The following AFF4 variants were observed in gnomAD, a reference collection of about 807,000 sequenced individuals.
AFF4 encodes ALF transcription elongation factor 4.
AFF4 carries 13 observed loss-of-function variants against 124.8 expected under a neutral mutation model. That is an observed-to-expected ratio of 0.10 (90% confidence interval 0.07 to 0.17). The LOEUF is 0.17. Ranked by LOEUF, AFF4 falls within the 10% of genes least tolerant of loss-of-function variation. The probability of loss-of-function intolerance (pLI) is 1.00; values close to 1 mark genes in which losing one functional copy is unlikely to be tolerated. For missense variants in AFF4, 1,092 were observed against 1,403.8 expected (o/e 0.78, Z 3.55); for synonymous variants, 477 against 496.1 (o/e 0.96, Z 0.51).
chr5:132,948,130 A>C (rs1761744137), intron 1 of AFF4, among the ~76,000 whole-genome samples: 1 of 151,858 alleles, frequency 6.6e-6, no homozygotes. Flanking sequence ...GGCTCACTGC[A>C]ACCTCCGCCT....
At chr5:132,923,938 A>C (rs1042691383) in intron 5 of AFF4, among the ~76,000 whole-genome samples, 2 of 152,144 alleles carry the variant, frequency 1.3e-5, no homozygotes, top group African/African-American at 4.8e-5. Context: ...TTTCCATATA[A>C]TAAAATACTG....
At chr5:132,892,974 T>C in intron 12 of AFF4, 56 bp downstream of exon 12, 1 of 1,520,898 alleles carries the variant, frequency 6.6e-7, no homozygotes, top group Non-Finnish European at 9.1e-7. Flanking sequence ...GTACCCACTA[T>C]CAAATGATAT....
intron 9 of AFF4, 59 bp downstream of exon 9, chr5:132,899,045 C>T: frequency 6.9e-7 from 1 of 1,448,082 alleles, no homozygotes; most frequent in Non-Finnish European, 9.6e-7. Flanking sequence ...TATATCCCTG[C>T]AATGTTATCA....
intron 5 of AFF4, among the ~76,000 whole-genome samples, chr5:132,914,608 A>C (rs1175941210): frequency 6.6e-6 from 1 of 152,126 alleles, no homozygotes; most frequent in African/African-American, 2.4e-5. Context: ...TTCAAAAAAA[A>C]AAAAGAAGAA....
intron 1 of AFF4, chr5:132,937,820 T>A (rs1761467594): frequency 6.6e-6 from 1 of 152,222 alleles, no homozygotes; most frequent in Non-Finnish European, 1.5e-5. Flanking sequence ...AGGTTTTCAG[T>A]GATAGAATCA....
intron 19 of AFF4, among the ~76,000 whole-genome samples, chr5:132,884,190 TA>T (rs1760056500): frequency 1.3e-5 from 2 of 152,114 alleles, no homozygotes; most frequent in African/African-American, 4.8e-5. Flanking sequence ...GATCACACAC[TA>T]AAAGAAAGGA....
chr5:132,880,940 A>G lies in AFF4; in HGVS notation c.*119T>C, dbSNP rs762338359. On this transcript the variant is annotated 3_prime_UTR_variant, in exon 21 of 21. Coordinates refer to ENST00000265343, the MANE Select transcript of AFF4 (RefSeq NM_014423.4). ...ATCAAAAACAACAACACATGAACCA[A>G]CGAGGAGAAAACTATTCCTCATTCT... is the stretch of plus-strand genomic sequence containing the variant. 7 of 1,327,486 alleles carry G rather than the reference A, an allele frequency of 5.3e-6. No homozygotes were observed. Among genetic ancestry groups the G allele is most frequent in the Non-Finnish European group, 7.2e-6 (7 of 978,578 alleles). 82.2% of individuals were successfully genotyped at this position (1,327,486 alleles called of 1,614,324 possible). A position where few individuals can be genotyped will look rare whatever the true frequency, so the allele number is the denominator to read the frequency against.
intron 19 of AFF4, 121 bp from the exon 20 acceptor site, chr5:132,883,681 G>A: frequency 3.6e-6 from 3 of 836,958 alleles, no homozygotes; most frequent in Non-Finnish European, 5.5e-6. Flanking sequence ...AACTAGATGG[G>A]TTTTCAGAGA....
At chr5:132,899,448 G>A in intron 8 of AFF4, 139 bp downstream of exon 8, 1 of 866,090 alleles carries the variant, frequency 1.2e-6, no homozygotes, top group African/African-American at 1.7e-5. Context: ...AAACAGAGAA[G>A]AAAACTACAA....
chr5:132,903,834 G>A (rs1056388208), intron 6 of AFF4: 1 of 152,226 alleles, frequency 6.6e-6, no homozygotes, highest in Admixed American at 6.5e-5. Context: ...CCATCAAATT[G>A]TATTCATGAA....
rs1314832288 is a variant in AFF4 at position 132,880,362 on chromosome 5, T to C, written c.*697A>G. The C allele has an allele frequency of 2.5e-6, 1 of 398,816 alleles. No individual in the cohort carries two copies. Among genetic ancestry groups the C allele is most frequent in the African/African-American group, 2.1e-5 (1 of 48,644 alleles). 24.7% of individuals were successfully genotyped at this position (398,816 alleles called of 1,614,324 possible). On this transcript the variant is annotated 3_prime_UTR_variant, in exon 21 of 21. Transcript: ENST00000265343. ...ATTGCTGTAGTGTTATTAACACACATTCACAGTTTTTGAAATAATGCATAC... is the reference window on the plus strand; with the variant it reads ...ATTGCTGTAGTGTTATTAACACACACTCACAGTTTTTGAAATAATGCATAC...
intron 14 of AFF4, 120 bp downstream of exon 14, chr5:132,888,959 G>C (rs1020691651): frequency 3.4e-6 from 3 of 871,716 alleles, no homozygotes; most frequent in African/African-American, 3.4e-5. Context: ...GCCTCCAAAA[G>C]AGCTGGGATT....
intron 4 of AFF4, among the ~76,000 whole-genome samples, chr5:132,930,626 A>G (rs1761275984): frequency 6.6e-6 from 1 of 151,850 alleles, no homozygotes; most frequent in Non-Finnish European, 1.5e-5. Context: ...GAATTTAAGT[A>G]TAGACACAAA....
At chr5:132,899,771 C>A in intron 7 of AFF4, 130 bp from the exon 8 acceptor site, 1 of 680,454 alleles carries the variant, frequency 1.5e-6, no homozygotes, top group Admixed American at 2.5e-5. Context: ...AAACAAAACA[C>A]CAGTAAGTCT....
chr5:132,944,588 A>G (rs1761651942), intron 1 of AFF4, among the ~76,000 whole-genome samples: 1 of 152,064 alleles, frequency 6.6e-6, no homozygotes, highest in Admixed American at 6.6e-5. Context: ...TGGAAGTTCA[A>G]ATGAGTCAAG....
At chr5:132,897,872 C>T (rs946368915) in intron 10 of AFF4, among the ~76,000 whole-genome samples, 1 of 152,046 alleles carries the variant, frequency 6.6e-6, no homozygotes, top group African/African-American at 2.4e-5. Flanking sequence ...TTTTTAACTG[C>T]AATTTAACAA....
chr5:132,904,216 C>A (rs1455169019), intron 6 of AFF4, 152 bp downstream of exon 6: 2 of 519,902 alleles, frequency 3.8e-6, no homozygotes, highest in Non-Finnish European at 3.0e-6. Flanking sequence ...ACGACCACAC[C>A]ACTACACTCC....
chr5:132,923,671 T>A (rs1031118142), intron 5 of AFF4, among the ~76,000 whole-genome samples: 2 of 152,052 alleles, frequency 1.3e-5, no homozygotes, highest in Non-Finnish European at 2.9e-5. Flanking sequence ...TATAGTGAGC[T>A]ATATGATCAC....
At chr5:132,925,068 G>A (rs1010727940) in intron 5 of AFF4, among the ~76,000 whole-genome samples, 4 of 151,562 alleles carry the variant, frequency 2.6e-5, no homozygotes, top group African/African-American at 4.8e-5. Flanking sequence ...CCAGCTACTC[G>A]GGAGGCTGAG....
Sources: gnomAD v4.1 joint callset for allele counts (sites outside exome capture counted in the v4.1 genomes callset) on GRCh38, gnomAD v4.1.1 for gene constraint, MANE v1.5 for transcripts, NCBI Gene and HGNC (gene_info 2026-07-23, HGNC 2026-07-21) for gene names.